Variants in PHLPP1 observed in about 807,000 individuals in gnomAD.
PHLPP1 encodes the protein PH domain and leucine rich repeat protein phosphatase 1.
Under a neutral mutation model 117.2 loss-of-function variants are expected in PHLPP1, and 42 were observed. The observed-to-expected ratio is 0.36, with a 90% CI of 0.28 to 0.46. The LOEUF (loss-of-function observed/expected upper bound fraction) is 0.46, where lower values mean the gene tolerates loss of function less well. PHLPP1 is among the 20% of genes least tolerant of loss of function. PHLPP1 has a pLI of 1.00. For synonymous variants in PHLPP1, 1,042 were observed against 970.7 expected, an observed-to-expected ratio of 1.07 and a Z score of -1.37; for missense variants, 2,084 against 2,241.9, an observed-to-expected ratio of 0.93 and a Z score of 1.42.
intron 4 of PHLPP1, among the ~76,000 whole-genome samples, chr18:62,894,651 C>CGCCA (rs1916507855): frequency 1.3e-5 from 2 of 152,226 alleles, no homozygotes; most frequent in Non-Finnish European, 2.9e-5. Flanking sequence ...GAAGGGCTAA[C>CGCCA]GCCAGCTCTG....
At chr18:62,803,536 A>G (rs1913846800) in intron 1 of PHLPP1, among the ~76,000 whole-genome samples, 1 of 152,218 alleles carries the variant, frequency 6.6e-6, no homozygotes, top group South Asian at 2.1e-4. Flanking sequence ...GTAGGAGGTC[A>G]TTGCTATGTA....
chr18:62,832,173 C>T (rs186257893), intron 2 of PHLPP1: 1 of 152,168 alleles, frequency 6.6e-6, no homozygotes, highest in East Asian at 1.9e-4. Flanking sequence ...GCTTGGCACC[C>T]CAGAAATACT....
At chr18:62,942,629 C>T (rs192815199) in intron 11 of PHLPP1, among the ~76,000 whole-genome samples, 1 of 152,220 alleles carries the variant, frequency 6.6e-6, no homozygotes, top group African/African-American at 2.4e-5. Context: ...AGTGAATCTG[C>T]GTGCTGAGCC....
intron 12 of PHLPP1, among the ~76,000 whole-genome samples, chr18:62,946,321 G>A (rs1184829076): frequency 6.6e-6 from 1 of 152,124 alleles, no homozygotes; most frequent in African/African-American, 2.4e-5. Context: ...GAGTGCAATG[G>A]TGCAATCTTG....
chr18:62,889,442 A>G (rs916918583), intron 4 of PHLPP1: 2 of 152,228 alleles, frequency 1.3e-5, no homozygotes, highest in Non-Finnish European at 2.9e-5. Flanking sequence ...TGTCAAATAT[A>G]AAATTAATGT....
chr18:62,978,839 T>C lies in PHLPP1; in HGVS notation c.4562T>C (p.Ile1521Thr), dbSNP rs1328077617. 3 of 1,609,126 alleles carry C rather than the reference T, an allele frequency of 1.9e-6. No homozygotes were observed. Among genetic ancestry groups the C allele is most frequent in the Non-Finnish European group, 2.5e-6 (3 of 1,177,828 alleles). ...PSEQRCMLHP[I>T]CLSNSFQRQL... ...GAGCAGCGCTGCATGCTCCACCCCA[T>C]CTGTCTGTCCAACTCCTTCCAGCGC... The change falls in exon 17 of 17, where the codon ATC becomes ACC. Residue 1521 changes from isoleucine to threonine, a missense_variant. Coordinates refer to ENST00000262719, the MANE Select transcript of PHLPP1 (RefSeq NM_194449.4). This position sits in a 1 kb window ranked among gnomAD's most constrained non-coding sequence, Gnocchi z 7.0.
Position 62,849,830 on chromosome 18 carries a change from A to AT in PHLPP1, c.1900-10605_1900-10604insT, listed in dbSNP as rs1465429883. Reference sequence around the variant, plus strand: ...AAAAAAAAAAAAAAAAAAAAAAAAAAAAATATATATATCCTTTAAAGTTTA... The same window carrying AT: ...AAAAAAAAAAAAAAAAAAAAAAAAAATAAATATATATATCCTTTAAAGTTTA... On this transcript the variant is annotated intron_variant, in intron 3 of 16. Transcript: ENST00000262719. Among the ~76,000 whole-genome samples the AT allele has an allele frequency of 2.8e-3, 59 of 21,182 alleles. 4 individuals are homozygous for AT. The highest frequency in any genetic ancestry group is 3.2e-3 in the East Asian group (3 of 932). The allele number at this position is 21,182 out of a possible 152,430, so 13.9% of individuals were successfully genotyped here.
At chr18:62,869,460 T>C (rs1915846940) in intron 4 of PHLPP1, among the ~76,000 whole-genome samples, 1 of 152,190 alleles carries the variant, frequency 6.6e-6, no homozygotes, top group Non-Finnish European at 1.5e-5. Flanking sequence ...AGGAAGAGAA[T>C]ATTGCCAGCA....
chr18:62,971,151 G>A (rs543058219), intron 14 of PHLPP1, among the ~76,000 whole-genome samples: 1 of 152,178 alleles, frequency 6.6e-6, no homozygotes, highest in East Asian at 1.9e-4. Flanking sequence ...CTGGTTTCTA[G>A]CAATTTGATT....
chr18:62,774,883 T>C (rs961784852), intron 1 of PHLPP1, among the ~76,000 whole-genome samples: 1 of 152,092 alleles, frequency 6.6e-6, no homozygotes, highest in Non-Finnish European at 1.5e-5. Context: ...AAAACCCTTC[T>C]TAGTTCTCAT....
intron 3 of PHLPP1, among the ~76,000 whole-genome samples, chr18:62,848,811 A>G (rs900828250): frequency 6.6e-6 from 1 of 152,170 alleles, no homozygotes; most frequent in Non-Finnish European, 1.5e-5. Context: ...AGATATTATT[A>G]TCCCCATTTT....
intron 1 of PHLPP1, among the ~76,000 whole-genome samples, chr18:62,751,398 A>C (rs1041020338): frequency 6.6e-6 from 1 of 152,184 alleles, no homozygotes; most frequent in Admixed American, 6.5e-5. Flanking sequence ...TTTGTACTTC[A>C]ACTTCCTCCT....
intron 1 of PHLPP1, among the ~76,000 whole-genome samples, chr18:62,802,590 C>T (rs545353051): frequency 2.1e-4 from 32 of 152,254 alleles, no homozygotes; most frequent in African/African-American, 7.5e-4. Context: ...CTAATTTGGG[C>T]TAAGTATCAT....
Position 62,950,231 on chromosome 18 carries a change from T to C in PHLPP1, c.3324+4960T>C, listed in dbSNP as rs184149770. On this transcript the variant is annotated intron_variant, in intron 12 of 16. Transcript: ENST00000262719. ...GAAGATTATTTTCATGTTTGTTCCA[T>C]GCAGTAATAAACTACTTGGCTAAGT... Among the ~76,000 whole-genome samples, 6 of 152,360 alleles carry C rather than the reference T, an allele frequency of 3.9e-5. No homozygotes were observed. The East Asian group carries it at 7.7e-4, about 20-fold the overall frequency.
intron 6 of PHLPP1, among the ~76,000 whole-genome samples, chr18:62,898,183 CTT>C (rs1267828787): frequency 6.6e-6 from 1 of 152,178 alleles, no homozygotes; most frequent in African/African-American, 2.4e-5. Context: ...TCTTTGACTT[CTT>C]GAGACCAGTT....
intron 4 of PHLPP1, among the ~76,000 whole-genome samples, chr18:62,869,570 G>C (rs1915849247): frequency 6.6e-6 from 1 of 152,126 alleles, no homozygotes; most frequent in Admixed American, 6.5e-5. Flanking sequence ...CTTTGTACTT[G>C]ATCTAAATGG....
At chr18:62,958,359 CGTG>C (rs1219423064) in intron 12 of PHLPP1, among the ~76,000 whole-genome samples, 2 of 151,954 alleles carry the variant, frequency 1.3e-5, no homozygotes, top group Non-Finnish European at 2.9e-5. Context: ...TAATTTTAAA[CGTG>C]GAGATAAAAT....
At chr18:62,955,558 A>C (rs1599140631) in intron 12 of PHLPP1, among the ~76,000 whole-genome samples, 2 of 152,218 alleles carry the variant, frequency 1.3e-5, no homozygotes, top group Non-Finnish European at 2.9e-5. Flanking sequence ...CTGTCACAGG[A>C]GCCTTGGGGA....
chr18:62,879,251 G>A (rs1283641863), intron 4 of PHLPP1, among the ~76,000 whole-genome samples: 1 of 152,224 alleles, frequency 6.6e-6, no homozygotes, highest in Non-Finnish European at 1.5e-5. Flanking sequence ...GAGGCTGTGA[G>A]TTTGCTCTCT....
Sources: gnomAD v4.1 joint callset for allele counts (sites outside exome capture counted in the v4.1 genomes callset) on GRCh38, gnomAD v4.1.1 for gene constraint, Gnocchi (gnomAD v3.1) non-coding constraint, MANE v1.5 for transcripts, NCBI Gene and HGNC (gene_info 2026-07-23, HGNC 2026-07-21) for gene names.